BTBD9: variants seen among roughly 807,000 people sequenced by gnomAD.
The protein encoded by BTBD9 is BTB/POZ domain-containing protein 9.
A neutral mutation model predicts 64.3 loss-of-function variants in BTBD9; 49 were observed. That is an observed-to-expected ratio of 0.76 (90% CI 0.61 to 0.97). The LOEUF (loss-of-function observed/expected upper bound fraction) is 0.97. Among genes scored for constraint, BTBD9 ranks in the 50% least tolerant of loss-of-function variants. The pLI is 0.00. For synonymous variants in BTBD9, 260 were observed against 274.7 expected, an observed-to-expected ratio of 0.95 and a Z score of 0.53; for missense variants, 598 against 762.1, an observed-to-expected ratio of 0.78 and a Z score of 2.53.
intron 6 of BTBD9, among the ~76,000 whole-genome samples, chr6:38,480,278 T>C (rs1299014846): frequency 2.0e-5 from 3 of 152,172 alleles, no homozygotes; most frequent in East Asian, 1.9e-4. Flanking sequence ...ATGCACTTCC[T>C]TTGCAGGGCT....
At chr6:38,375,835 T>C (rs1765656154) in intron 6 of BTBD9, among the ~76,000 whole-genome samples, 1 of 148,694 alleles carries the variant, frequency 6.7e-6, no homozygotes, top group Non-Finnish European at 1.5e-5. Context: ...AATTTGGACT[T>C]AACTAAAACT....
At position 38,473,966 on chromosome 6, in the gene BTBD9, T is replaced by C. The variant is rs1236409781; in HGVS notation, c.1154+103634A>G. Among the ~76,000 whole-genome samples, 4 of 151,972 alleles carry C rather than the reference T, an allele frequency of 2.6e-5. No individual in the cohort carries two copies. The East Asian group carries it at 5.8e-4, about 22-fold the overall frequency. ...GGCAATGTGTTGGGAAACCCTAAGATAGGAAAGAGCTTGGCACATTTTAGG... is the reference window on the plus strand; with the variant it reads ...GGCAATGTGTTGGGAAACCCTAAGACAGGAAAGAGCTTGGCACATTTTAGG... On this transcript the variant is annotated intron_variant, in intron 6 of 10. Coordinates refer to ENST00000481247, the MANE Select transcript of BTBD9 (RefSeq NM_001099272.2).
intron 9 of BTBD9, among the ~76,000 whole-genome samples, chr6:38,212,352 C>A (rs1220164427): frequency 6.6e-6 from 1 of 152,158 alleles, no homozygotes; most frequent in African/African-American, 2.4e-5. Flanking sequence ...CTATACAGAA[C>A]AAGCTGGGCT....
At position 38,439,502 on chromosome 6, in the gene BTBD9, C is replaced by T. The variant is rs566366725; in HGVS notation, c.1155-94409G>A. On this transcript the variant is annotated intron_variant, in intron 6 of 10. Coordinates refer to ENST00000481247, the MANE Select transcript of BTBD9 (RefSeq NM_001099272.2). ...AGTACAGTGGCACAATCTCTGCCCA[C>T]TGCAACCTCTGCCTCCCGGGCTCAA... Among the ~76,000 whole-genome samples the T allele has an allele frequency of 8.9e-4, 135 of 152,138 alleles. 2 individuals carry two copies. The South Asian group carries it at 0.015, about 17-fold the overall frequency.
At chr6:38,322,347 T>C (rs1452275297) in intron 7 of BTBD9, among the ~76,000 whole-genome samples, 2 of 152,234 alleles carry the variant, frequency 1.3e-5, no homozygotes, top group Non-Finnish European at 2.9e-5. Context: ...CATTTTTTCC[T>C]GTGCCCTAGT....
chr6:38,393,111 G>A (rs1225220832), intron 6 of BTBD9, among the ~76,000 whole-genome samples: 2 of 152,092 alleles, frequency 1.3e-5, no homozygotes, highest in Non-Finnish European at 2.9e-5. Context: ...CCTAACCTCA[G>A]GTGATCCGTC....
intron 6 of BTBD9, among the ~76,000 whole-genome samples, chr6:38,380,191 G>A (rs1297536320): frequency 1.3e-5 from 2 of 152,078 alleles, no homozygotes; most frequent in Non-Finnish European, 2.9e-5. Flanking sequence ...TCAAGAATAT[G>A]GGTGAAATAA....
chr6:38,296,308 T>G (rs1222441625), intron 7 of BTBD9, among the ~76,000 whole-genome samples: 1 of 152,202 alleles, frequency 6.6e-6, no homozygotes, highest in Non-Finnish European at 1.5e-5. Context: ...GTATAGCTCT[T>G]TTTCATTCAA....
At chr6:38,554,248 G>A (rs1774927398) in intron 6 of BTBD9, among the ~76,000 whole-genome samples, 1 of 152,160 alleles carries the variant, frequency 6.6e-6, no homozygotes, top group African/African-American at 2.4e-5. Context: ...TTCATGATGT[G>A]CCTGTCACAC....
At chr6:38,574,418 G>A (rs1775932528) in intron 6 of BTBD9, among the ~76,000 whole-genome samples, 1 of 152,152 alleles carries the variant, frequency 6.6e-6, no homozygotes, top group African/African-American at 2.4e-5. Context: ...TGGACTGTAT[G>A]TATGGGTTGG....
intron 8 of BTBD9, among the ~76,000 whole-genome samples, chr6:38,286,854 G>A (rs945824320): frequency 5.9e-5 from 9 of 151,884 alleles, no homozygotes; most frequent in African/African-American, 1.9e-4. Flanking sequence ...GGCCGAGGCG[G>A]GCTGATCACT....
At chr6:38,559,078 C>T (rs1367906710) in intron 6 of BTBD9, among the ~76,000 whole-genome samples, 3 of 152,098 alleles carry the variant, frequency 2.0e-5, no homozygotes, top group African/African-American at 7.2e-5. Context: ...TTTACTATAA[C>T]TGATTCCATT....
In BTBD9 at chr6:38,597,347, GTAAT is replaced by G. The variant is rs373213357; in HGVS notation, c.185+559_185+562del. On this transcript the variant is annotated intron_variant, in intron 2 of 10. Coordinates refer to ENST00000481247, the MANE Select transcript of BTBD9 (RefSeq NM_001099272.2). ...TCATGCATAAATTATAACTCACTCAGTAATTAATTCAGTGATGACTCCCTTTTGA... is the reference window on the plus strand; with the variant it reads ...TCATGCATAAATTATAACTCACTCAGTAATTCAGTGATGACTCCCTTTTGA... Among the ~76,000 whole-genome samples, 815 of 152,246 alleles carry G rather than the reference GTAAT, an allele frequency of 5.4e-3. 5 individuals are homozygous for G. The highest frequency in any genetic ancestry group is 0.019 in the African/African-American group (770 of 41,540).
At chr6:38,608,550 T>C (rs1268864748) in intron 1 of BTBD9, among the ~76,000 whole-genome samples, 1 of 152,208 alleles carries the variant, frequency 6.6e-6, no homozygotes, top group Non-Finnish European at 1.5e-5. Flanking sequence ...AATCATCAAT[T>C]GCAGCAATTT....
intron 6 of BTBD9, among the ~76,000 whole-genome samples, chr6:38,540,781 C>T (rs1361889333): frequency 2.6e-5 from 4 of 152,202 alleles, no homozygotes; most frequent in Admixed American, 6.5e-5. Context: ...AGAGCTTCAG[C>T]GGTGCCTCAC....
chr6:38,546,600 T>C (rs557876896), intron 6 of BTBD9, among the ~76,000 whole-genome samples: 2 of 152,386 alleles, frequency 1.3e-5, no homozygotes, highest in South Asian at 4.1e-4. Flanking sequence ...TCTGTCACGT[T>C]TCAGTAACTC....
At chr6:38,342,858 C>T (rs776238187) in intron 7 of BTBD9, among the ~76,000 whole-genome samples, 39 of 152,260 alleles carry the variant, frequency 2.6e-4, no homozygotes, top group Non-Finnish European at 5.0e-4. Flanking sequence ...GTTTTAAACA[C>T]CTCTGTAAGG....
intron 6 of BTBD9, among the ~76,000 whole-genome samples, chr6:38,506,240 A>C (rs533638057): frequency 6.6e-6 from 1 of 152,320 alleles, no homozygotes; most frequent in African/African-American, 2.4e-5. Flanking sequence ...AAAATATTGT[A>C]AGCCAAAAAT....
At chr6:38,633,859 T>C (rs528772780) in intron 1 of BTBD9, among the ~76,000 whole-genome samples, 1 of 152,232 alleles carries the variant, frequency 6.6e-6, no homozygotes, top group African/African-American at 2.4e-5. Flanking sequence ...GCCCCTTGAA[T>C]ACATAAGGCT....
Sources: gnomAD v4.1 joint callset for allele counts (sites outside exome capture counted in the v4.1 genomes callset) on GRCh38, gnomAD v4.1.1 for gene constraint, MANE v1.5 for transcripts, NCBI Gene and HGNC (gene_info 2026-07-23, HGNC 2026-07-21) for gene names.